The following GPC5 variants were observed in gnomAD, a reference collection of about 807,000 sequenced individuals.
GPC5 encodes glypican-5.
GPC5 carries 47 observed loss-of-function variants against 53.9 expected under a neutral mutation model. The observed-to-expected ratio is 0.87, with a 90% confidence interval of 0.69 to 1.11. The LOEUF is 1.11. Ranked by LOEUF, GPC5 falls within the 50% of genes most tolerant of loss-of-function variation. The pLI is 0.00. For synonymous variants in GPC5, 286 were observed against 263.3 expected, an observed-to-expected ratio of 1.09 and a Z score of -0.84; for missense variants, 748 against 713.1, an observed-to-expected ratio of 1.05 and a Z score of -0.56.
chr13:92,556,438 T>C (rs1882496310), intron 7 of GPC5, among the ~76,000 whole-genome samples: 2 of 151,898 alleles, frequency 1.3e-5, no homozygotes, highest in East Asian at 1.9e-4. Context: ...ACATTTTCTC[T>C]TTTTTAAAGT....
chr13:92,602,231 A>ATAATATATATATATATAT (rs1555294283), intron 7 of GPC5, among the ~76,000 whole-genome samples: 2 of 4,960 alleles, frequency 4.0e-4, no homozygotes, highest in Non-Finnish European at 1.6e-3. Flanking sequence ...ATATATATAT[A>ATAATATATATATATATAT]ACATATATAT....
intron 7 of GPC5, among the ~76,000 whole-genome samples, chr13:92,677,672 G>A (rs139011312): frequency 2.0e-5 from 3 of 152,282 alleles, no homozygotes; most frequent in East Asian, 3.9e-4. Context: ...CAGAACAGAC[G>A]TGCAGAGGCA....
intron 7 of GPC5, among the ~76,000 whole-genome samples, chr13:92,843,349 A>G (rs1878496622): frequency 6.6e-6 from 1 of 152,202 alleles, no homozygotes; most frequent in African/African-American, 2.4e-5. Flanking sequence ...GCAAATATTT[A>G]TTAAATTGAA....
intron 2 of GPC5, among the ~76,000 whole-genome samples, chr13:91,689,187 AT>A (rs2035691488): frequency 3.2e-4 from 7 of 21,618 alleles, no homozygotes; most frequent in South Asian, 1.4e-3. Flanking sequence ...ATATATAAAT[AT>A]ATATATATAT....
In GPC5 at chr13:91,905,275, T is replaced by C. The variant is rs180881336; in HGVS notation, c.1281-2662T>C. On this transcript the variant is annotated intron_variant, in intron 5 of 7. Coordinates refer to ENST00000377067, the MANE Select transcript of GPC5 (RefSeq NM_004466.6). ...GCAGTGCTACAGATAATTTAAGAGA[T>C]GGTTACTCTCTTTCTCTCTCTATCT... Among the ~76,000 whole-genome samples, 7 of 152,018 alleles carry C rather than the reference T, an allele frequency of 4.6e-5. No homozygotes were observed. The East Asian group carries it at 1.4e-3, about 29-fold the overall frequency.
chr13:91,405,927 A>G (rs1286639590), intron 1 of GPC5, among the ~76,000 whole-genome samples: 1 of 152,162 alleles, frequency 6.6e-6, no homozygotes, highest in Admixed American at 6.5e-5. Flanking sequence ...GCATGCCACC[A>G]TGCCCAGCTA....
chr13:91,711,487 G>A (rs9523397), intron 3 of GPC5, among the ~76,000 whole-genome samples: 3,609 of 152,166 alleles, frequency 0.024, 85 homozygotes, highest in Middle Eastern at 0.12. Context: ...ATAGCATTAG[G>A]AGAAATACCT....
intron 6 of GPC5, among the ~76,000 whole-genome samples, chr13:92,141,299 G>C (rs886661911): frequency 6.6e-6 from 1 of 152,136 alleles, no homozygotes; most frequent in African/African-American, 2.4e-5. Flanking sequence ...CCCTACAAGA[G>C]GGCTAGGGTA....
intron 5 of GPC5, among the ~76,000 whole-genome samples, chr13:91,882,762 T>G (rs2039281448): frequency 6.7e-6 from 1 of 148,780 alleles, no homozygotes; most frequent in Admixed American, 6.8e-5. Flanking sequence ...CAAAGCTGAT[T>G]TTTTTTTGTT....
intron 7 of GPC5, among the ~76,000 whole-genome samples, chr13:92,361,516 T>G (rs1181956531): frequency 6.6e-6 from 1 of 151,682 alleles, no homozygotes; most frequent in Non-Finnish European, 1.5e-5. Flanking sequence ...TGAGAGAGCA[T>G]GAGTTGAGCG....
intron 7 of GPC5, among the ~76,000 whole-genome samples, chr13:92,250,366 A>C (rs1831464): frequency 0.91 from 138,638 of 152,148 alleles, 63,343 homozygotes; most frequent in East Asian, 1. Flanking sequence ...TTGAATTAAA[A>C]CCTGTAATGA....
intron 4 of GPC5, among the ~76,000 whole-genome samples, chr13:91,731,646 A>G (rs1302006011): frequency 4.0e-5 from 6 of 151,792 alleles, no homozygotes; most frequent in Non-Finnish European, 8.8e-5. Context: ...TAAGTCCTGT[A>G]TACATTAGCT....
intron 2 of GPC5, among the ~76,000 whole-genome samples, chr13:91,619,284 T>A (rs901913925): frequency 6.6e-6 from 1 of 152,112 alleles, no homozygotes; most frequent in African/African-American, 2.4e-5. Context: ...TTAATTCTTT[T>A]GAAAACATGT....
At chr13:92,761,380 T>C (rs569405651) in intron 7 of GPC5, among the ~76,000 whole-genome samples, 2 of 152,344 alleles carry the variant, frequency 1.3e-5, no homozygotes, top group East Asian at 3.9e-4. Context: ...GTTGGATGTA[T>C]ATATATTTAT....
At chr13:92,290,159 C>T (rs2042983495) in intron 7 of GPC5, among the ~76,000 whole-genome samples, 1 of 151,988 alleles carries the variant, frequency 6.6e-6, no homozygotes, top group Admixed American at 6.5e-5. Context: ...TTTTGAATTG[C>T]TTTATATATG....
At chr13:92,309,583 A>T (rs928916137) in intron 7 of GPC5, among the ~76,000 whole-genome samples, 1 of 152,036 alleles carries the variant, frequency 6.6e-6, no homozygotes. Flanking sequence ...ATTTAATGAC[A>T]TTTTTATTTT....
At chr13:91,842,866 G>C (rs1443192051) in intron 5 of GPC5, among the ~76,000 whole-genome samples, 1 of 152,002 alleles carries the variant, frequency 6.6e-6, no homozygotes, top group East Asian at 1.9e-4. Flanking sequence ...TTATCTTTCA[G>C]GATACATTTT....
intron 6 of GPC5, among the ~76,000 whole-genome samples, chr13:92,071,398 A>G (rs2041210019): frequency 6.6e-6 from 1 of 152,142 alleles, no homozygotes; most frequent in Non-Finnish European, 1.5e-5. Flanking sequence ...CTATTCATCT[A>G]TATTTTCTTC....
At chr13:91,916,846 A>T (rs2039664219) in intron 6 of GPC5, among the ~76,000 whole-genome samples, 1 of 152,096 alleles carries the variant, frequency 6.6e-6, no homozygotes, top group Non-Finnish European at 1.5e-5. Flanking sequence ...AGCATCAGAA[A>T]CCACCCCCTT....
Sources: allele counts gnomAD v4.1 joint callset (sites outside exome capture counted in the v4.1 genomes callset), GRCh38; gene constraint gnomAD v4.1.1; transcripts MANE v1.5; gene names NCBI Gene and HGNC (gene_info 2026-07-23, HGNC 2026-07-21).